Variants in CACNA2D3 observed in about 807,000 individuals in gnomAD.
CACNA2D3 encodes calcium voltage-gated channel auxiliary subunit alpha2delta 3, also known as voltage-dependent calcium channel subunit alpha-2/delta-3.
A neutral mutation model predicts 160.6 loss-of-function variants in CACNA2D3; 60 were observed. The ratio of observed to expected loss-of-function variants is 0.37; its 90% CI spans 0.30 to 0.46. The LOEUF (loss-of-function observed/expected upper bound fraction) is 0.46. Among genes scored for constraint, CACNA2D3 ranks in the 20% least tolerant of loss-of-function variants. The probability of loss-of-function intolerance (pLI) is 1.00; values close to 1 mark genes in which losing one functional copy is unlikely to be tolerated. For synonymous variants in CACNA2D3, 558 were observed against 492.9 expected (o/e 1.13, Z -1.75); for missense variants, 1,205 against 1,365.0 (o/e 0.88, Z 1.85).
intron 4 of CACNA2D3, among the ~76,000 whole-genome samples, chr3:54,427,870 TC>T (rs1281663063): frequency 1.3e-5 from 2 of 152,178 alleles, no homozygotes; most frequent in African/African-American, 4.8e-5. Flanking sequence ...GATACCCTCC[TC>T]CCTGACCAGC....
chr3:54,503,381 A>T, intron 4 of CACNA2D3, 111 bp from the exon 5 acceptor site: 1 of 854,756 alleles, frequency 1.2e-6, no homozygotes, highest in South Asian at 1.6e-5. Flanking sequence ...TTATGTGAGC[A>T]GATCAGGGTC....
rs148994839 is a variant in CACNA2D3, at chr3:54,455,894, G to T, written c.382-47598G>T. ...GAAATCAGCTGGCTCCATATAACTG[G>T]ATTTATTTCTGGGCTCTCTATTCTG... On this transcript the variant is annotated intron_variant, in intron 4 of 37. Coordinates refer to ENST00000474759, the MANE Select transcript of CACNA2D3 (RefSeq NM_018398.3). 2.0e-3 allele frequency among the ~76,000 whole-genome samples: 299 copies of T among 152,170 alleles called. 2 individuals carry two copies. In the East Asian group the frequency reaches 0.021, roughly 11 times the overall value.
At chr3:54,123,169 G>GA (rs1553725138) in intron 1 of CACNA2D3, among the ~76,000 whole-genome samples, 1 of 150,110 alleles carries the variant, frequency 6.7e-6, no homozygotes, top group Admixed American at 6.6e-5. Context: ...TTGGGGGGGG[G>GA]ATGGGTGGAT....
intron 13 of CACNA2D3, among the ~76,000 whole-genome samples, chr3:54,785,966 T>A (rs982556994): frequency 6.6e-6 from 1 of 152,178 alleles, no homozygotes; most frequent in Non-Finnish European, 1.5e-5. Context: ...TCCAGCCTTC[T>A]CCCTGCCATT....
intron 4 of CACNA2D3, among the ~76,000 whole-genome samples, chr3:54,489,471 G>A (rs1270737955): frequency 6.6e-6 from 1 of 152,230 alleles, no homozygotes; most frequent in Non-Finnish European, 1.5e-5. Context: ...CCACAAAAGG[G>A]TAGTTTTATA....
intron 4 of CACNA2D3, among the ~76,000 whole-genome samples, chr3:54,392,179 C>G (rs1575430046): frequency 6.6e-6 from 1 of 152,144 alleles, no homozygotes; most frequent in South Asian, 2.1e-4. Context: ...GAGACCCTAG[C>G]TTTGAATACC....
At chr3:54,201,504 T>C (rs1701178402) in intron 2 of CACNA2D3, among the ~76,000 whole-genome samples, 2 of 152,224 alleles carry the variant, frequency 1.3e-5, no homozygotes, top group Admixed American at 1.3e-4. Flanking sequence ...GTTCAGTAAA[T>C]GTTTACACCT....
chr3:54,142,257 G>A (rs559308488), intron 2 of CACNA2D3, among the ~76,000 whole-genome samples: 14 of 152,202 alleles, frequency 9.2e-5, no homozygotes, highest in Middle Eastern at 3.4e-3. Context: ...TTGGCCCTTC[G>A]TTCTCTTGTT....
chr3:54,473,341 T>C (rs1700770841), intron 4 of CACNA2D3, among the ~76,000 whole-genome samples: 1 of 152,132 alleles, frequency 6.6e-6, no homozygotes, highest in Non-Finnish European at 1.5e-5. Flanking sequence ...TGCAGAAAAC[T>C]GAAACTGGAT....
chr3:54,666,523 G>A (rs1454264785), intron 11 of CACNA2D3, among the ~76,000 whole-genome samples: 1 of 152,134 alleles, frequency 6.6e-6, no homozygotes, highest in East Asian at 1.9e-4. Flanking sequence ...AAGATGCTCT[G>A]TGTGCAGAGA....
intron 2 of CACNA2D3, among the ~76,000 whole-genome samples, chr3:54,238,752 G>C (rs559492832): frequency 6.6e-6 from 1 of 152,310 alleles, no homozygotes; most frequent in South Asian, 2.1e-4. Context: ...ACAGAAGGCA[G>C]TTATCTCTCT....
intron 3 of CACNA2D3, among the ~76,000 whole-genome samples, chr3:54,337,521 G>A (rs947724644): frequency 7.2e-5 from 11 of 152,142 alleles, no homozygotes; most frequent in Non-Finnish European, 1.0e-4. Context: ...AAGTTCTGCT[G>A]TCTCTGCATT....
intron 2 of CACNA2D3, among the ~76,000 whole-genome samples, chr3:54,173,233 C>G (rs1427535934): frequency 6.6e-6 from 1 of 152,164 alleles, no homozygotes; most frequent in African/African-American, 2.4e-5. Context: ...TCTTGGAACC[C>G]TTTTTGTGCT....
intron 11 of CACNA2D3, among the ~76,000 whole-genome samples, chr3:54,695,887 T>C (rs1700655449): frequency 6.6e-6 from 1 of 152,244 alleles, no homozygotes; most frequent in Admixed American, 6.5e-5. Flanking sequence ...GGTTTTGCCA[T>C]GTCAAAGTTT....
Position 54,814,283 on chromosome 3 carries a change from C to T in CACNA2D3, c.1381-2570C>T, listed in dbSNP as rs528609206. Among the ~76,000 whole-genome samples, 28 of 152,330 alleles carry T rather than the reference C, an allele frequency of 1.8e-4. No individual in the cohort carries two copies. In the East Asian group the frequency reaches 2.9e-3, roughly 16 times the overall value. Reference sequence around the variant, plus strand: ...AGCTGGGTCTCAAGGTAAAACCTAGCGGCCATCCAAGACCTGGCCTTTCCC... The same window carrying T: ...AGCTGGGTCTCAAGGTAAAACCTAGTGGCCATCCAAGACCTGGCCTTTCCC... On this transcript the variant is annotated intron_variant, in intron 13 of 37. Coordinates refer to ENST00000474759, the MANE Select transcript of CACNA2D3 (RefSeq NM_018398.3).
intron 2 of CACNA2D3, among the ~76,000 whole-genome samples, chr3:54,254,927 C>T (rs1173696808): frequency 1.3e-5 from 2 of 152,108 alleles, no homozygotes; most frequent in African/African-American, 2.4e-5. Flanking sequence ...TCCTCCAGCC[C>T]CAGCTCAAAG....
intron 11 of CACNA2D3, among the ~76,000 whole-genome samples, chr3:54,677,524 G>A (rs946264456): frequency 2.0e-5 from 3 of 151,192 alleles, no homozygotes; most frequent in Non-Finnish European, 1.5e-5. Context: ...TGAAAGCAAT[G>A]TATTGATTAT....
intron 2 of CACNA2D3, among the ~76,000 whole-genome samples, chr3:54,129,805 A>C (rs1699671880): frequency 6.6e-6 from 1 of 152,182 alleles, no homozygotes; most frequent in East Asian, 1.9e-4. Flanking sequence ...ACATGCCATT[A>C]CCGTAATACT....
At chr3:55,025,122 A>G (rs1703538112) in intron 35 of CACNA2D3, among the ~76,000 whole-genome samples, 1 of 152,238 alleles carries the variant, frequency 6.6e-6, no homozygotes, top group South Asian at 2.1e-4. Context: ...CAATAGAACT[A>G]AGATAGGACA....
Sources: allele counts gnomAD v4.1 joint callset (sites outside exome capture counted in the v4.1 genomes callset), GRCh38; gene constraint gnomAD v4.1.1; transcripts MANE v1.5; gene names NCBI Gene and HGNC (gene_info 2026-07-23, HGNC 2026-07-21).